The following BCHE variants were observed in gnomAD, a reference collection of about 807,000 sequenced individuals.
BCHE encodes cholinesterase.
BCHE carries 48 observed loss-of-function variants against 51.3 expected under a neutral mutation model. The ratio of observed to expected loss-of-function variants is 0.94; its 90% CI spans 0.74 to 1.19. The LOEUF (loss-of-function observed/expected upper bound fraction) is 1.19. Ranked by LOEUF, BCHE falls within the 50% of genes most tolerant of loss-of-function variation. The pLI is 0.00. For synonymous variants in BCHE, 251 were observed against 238.0 expected (o/e 1.05, Z -0.50); for missense variants, 847 against 708.2 (o/e 1.20, Z -2.23).
rs1799807 is a variant in BCHE, at chr3:165,830,741, T to C, written c.293A>G (p.Asp98Gly). 0.016 allele frequency: 25,861 copies of C among 1,613,944 alleles called. 246 individuals carry two copies. The highest frequency in any genetic ancestry group is 0.026 in the Middle Eastern group (160 of 6,060). The change falls in exon 2 of 4, where the codon GAT becomes GGT. Residue 98 changes from aspartate to glycine, a missense_variant. Asp to Gly is a moderately conservative substitution (Grantham distance 94). Transcript: ENST00000264381. Reference sequence around the variant, plus strand: ...TCCATGGAAGCCTGGAAAACTTTGATCTATGTTCTGACAGCAAGAATTTGC... The same window carrying C: ...TCCATGGAAGCCTGGAAAACTTTGACCTATGTTCTGACAGCAAGAATTTGC... Reference protein sequence around the residue: ...KYANSCCQNIDQSFPGFHGSE... With the variant: ...KYANSCCQNIGQSFPGFHGSE...
At chr3:165,799,375 C>A (rs903882200) in intron 2 of BCHE, among the ~76,000 whole-genome samples, 2 of 152,038 alleles carry the variant, frequency 1.3e-5, no homozygotes, top group African/African-American at 4.8e-5. Context: ...GGTGTTGAAC[C>A]TAGTATCATT....
intron 1 of BCHE, among the ~76,000 whole-genome samples, chr3:165,831,252 T>C (rs1553778318): frequency 6.6e-6 from 1 of 152,038 alleles, no homozygotes; most frequent in Non-Finnish European, 1.5e-5. Flanking sequence ...GAATGGAAAA[T>C]AAAAAATATT....
intron 3 of BCHE, among the ~76,000 whole-genome samples, chr3:165,779,186 A>T (rs1712586704): frequency 6.6e-6 from 1 of 152,104 alleles, no homozygotes; most frequent in Admixed American, 6.6e-5. Context: ...CTGTTTGAAA[A>T]TTCTGCAAGG....
intron 3 of BCHE, among the ~76,000 whole-genome samples, chr3:165,776,746 G>T: frequency 6.6e-6 from 1 of 151,684 alleles, no homozygotes; most frequent in East Asian, 1.9e-4. Context: ...ATATATTATG[G>T]TTTTAATTAT....
chr3:165,786,274 G>A lies in BCHE; in HGVS notation c.1555C>T (p.Pro519Ser), dbSNP rs761458446. 2 of 1,611,780 alleles carry A rather than the reference G, an allele frequency of 1.2e-6. No individual in the cohort carries two copies. The highest frequency in any genetic ancestry group is 1.1e-5 in the South Asian group (1 of 91,004). The change falls in exon 3 of 4, where the codon CCT (proline) becomes TCT (serine). Residue 519 changes from proline to serine, a missense_variant. Transcript: ENST00000264381. Reference sequence around the variant, plus strand: ...TTTTGTTCAGTGCTTTTGAAGACAGGCCAGCTTGTGCTATTGTTCTGAGTC... The same window carrying A: ...TTTTGTTCAGTGCTTTTGAAGACAGACCAGCTTGTGCTATTGTTCTGAGTC... ...NETQNNSTSW[P>S]VFKSTEQKYL... is the part of the protein sequence containing the mutation.
intron 2 of BCHE, chr3:165,828,097 T>G (rs1429095080): frequency 4.4e-6 from 2 of 454,714 alleles, no homozygotes; most frequent in Non-Finnish European, 8.8e-6. Flanking sequence ...AATAGACAAG[T>G]TACAGTCAAC....
intron 2 of BCHE, among the ~76,000 whole-genome samples, chr3:165,794,905 A>G (rs139473649): frequency 1.7e-3 from 264 of 152,262 alleles, no homozygotes; most frequent in African/African-American, 6.2e-3. Flanking sequence ...ACAATGCCAA[A>G]TTATATAAAT....
rs1410166871 is a variant in BCHE, at chr3:165,830,759, G to A, written c.275C>T (p.Ser92Phe). 4 of 1,613,706 alleles carry A rather than the reference G, an allele frequency of 2.5e-6. No individual in the cohort carries two copies. Among genetic ancestry groups the A allele is most frequent in the Non-Finnish European group, 3.4e-6 (4 of 1,179,848 alleles). ...ACTTTGATCTATGTTCTGACAGCAAGAATTTGCATATTTTGTGGCATTCCA... is the reference window on the plus strand; with the variant it reads ...ACTTTGATCTATGTTCTGACAGCAAAAATTTGCATATTTTGTGGCATTCCA... ...DIWNATKYAN[S>F]CCQNIDQSFP... is the part of the protein sequence containing the mutation. The change falls in exon 2 of 4, where the codon TCT becomes TTT. Residue 92 changes from serine (S) to phenylalanine (F), a missense_variant. Physicochemically the swap from Ser to Phe is radical, Grantham distance 155. Transcript: ENST00000264381.
Position 165,772,926 on chromosome 3 carries a change from TATCTC to T in BCHE, c.*451_*455del, listed in dbSNP as rs1236397784. Reference sequence around the variant, plus strand: ...CAATGATTTTCTGTGCTTATTTTAATATCTCATATTGACATTCAATTCTTATTTTA... The same window carrying T: ...CAATGATTTTCTGTGCTTATTTTAATATATTGACATTCAATTCTTATTTTA... On this transcript the variant is annotated 3_prime_UTR_variant, in exon 4 of 4. Transcript: ENST00000264381. 3.9e-5 allele frequency: 6 copies of T among 152,412 alleles called. No homozygotes were observed. Among genetic ancestry groups the T allele is most frequent in the African/African-American group, 1.4e-4 (6 of 41,482 alleles). 9.4% of individuals were successfully genotyped at this position (152,412 alleles called of 1,614,324 possible).
chr3:165,834,739 T>G (rs1180693008), intron 1 of BCHE, among the ~76,000 whole-genome samples: 2 of 151,906 alleles, frequency 1.3e-5, no homozygotes, highest in Non-Finnish European at 2.9e-5. Flanking sequence ...CTCAAAATTT[T>G]TATTAATGAT....
At chr3:165,814,496 C>G (rs1294315219) in intron 2 of BCHE, among the ~76,000 whole-genome samples, 1 of 152,096 alleles carries the variant, frequency 6.6e-6, no homozygotes, top group Non-Finnish European at 1.5e-5. Context: ...CTTTCCTCAG[C>G]TCACTAATAC....
intron 1 of BCHE, among the ~76,000 whole-genome samples, chr3:165,832,194 C>T (rs558021073): frequency 6.6e-6 from 1 of 152,154 alleles, no homozygotes; most frequent in South Asian, 2.1e-4. Flanking sequence ...ATTCATAATG[C>T]AGATGTGAGT....
In BCHE at chr3:165,829,798, G is replaced by C; in HGVS notation, c.1236C>G (p.Asn412Lys). The C allele has an allele frequency of 6.2e-7, 1 of 1,613,876 alleles. No individual in the cohort carries two copies. Among genetic ancestry groups the C allele is most frequent in the Non-Finnish European group, 8.5e-7 (1 of 1,179,890 alleles). The change falls in exon 2 of 4, where the codon AAC becomes AAG. Residue 412 changes from asparagine to lysine, a missense_variant. Transcript: ENST00000264381. Reference sequence around the variant, plus strand: ...CAACATCACCCAAGGCCTCACGGTAGTTTTCAGGTCTCTGATCATCTACCC... The same window carrying C: ...CAACATCACCCAAGGCCTCACGGTACTTTTCAGGTCTCTGATCATCTACCC... The part of the protein sequence containing the change: ...TDWVDDQRPE[N>K]YREALGDVVG...
intron 3 of BCHE, chr3:165,777,762 A>G (rs779994018): frequency 1.1e-4 from 49 of 450,706 alleles, no homozygotes; most frequent in Non-Finnish European, 2.0e-4. Context: ...CAGCGAGACC[A>G]ACAGCTCCTT....
intron 3 of BCHE, among the ~76,000 whole-genome samples, chr3:165,779,965 G>A (rs1284114873): frequency 6.6e-6 from 1 of 152,048 alleles, no homozygotes; most frequent in East Asian, 1.9e-4. Flanking sequence ...ACAATCTTAA[G>A]CAAAAAGAAG....
At chr3:165,806,280 C>T (rs541351803) in intron 2 of BCHE, among the ~76,000 whole-genome samples, 5 of 152,254 alleles carry the variant, frequency 3.3e-5, no homozygotes, top group African/African-American at 1.2e-4. Flanking sequence ...TCTCTATCAC[C>T]TCTCGGTCTT....
intron 2 of BCHE, among the ~76,000 whole-genome samples, chr3:165,823,951 T>G (rs892822644): frequency 6.8e-6 from 1 of 146,730 alleles, no homozygotes; most frequent in African/African-American, 2.5e-5. Flanking sequence ...TTTTTTTTTT[T>G]TAATGTAGAG....
At chr3:165,812,035 G>A (rs1714119174) in intron 2 of BCHE, among the ~76,000 whole-genome samples, 1 of 151,952 alleles carries the variant, frequency 6.6e-6, no homozygotes, top group Non-Finnish European at 1.5e-5. Context: ...TCTGAAGGCT[G>A]TATACTAAAG....
At chr3:165,784,627 T>C (rs1487083046) in intron 3 of BCHE, among the ~76,000 whole-genome samples, 1 of 152,020 alleles carries the variant, frequency 6.6e-6, no homozygotes, top group East Asian at 1.9e-4. Flanking sequence ...TTAATCTGCT[T>C]TCTGGCAGGT....
Sources: allele counts gnomAD v4.1 joint callset (sites outside exome capture counted in the v4.1 genomes callset), GRCh38; gene constraint gnomAD v4.1.1; transcripts MANE v1.5; gene names NCBI Gene and HGNC (gene_info 2026-07-23, HGNC 2026-07-21).